The following CCHCR1 variants were observed in gnomAD, a reference collection of about 807,000 sequenced individuals.
CCHCR1 encodes the protein HCR (a-helix coiled-coil rod homologue).
CCHCR1 carries 91 observed loss-of-function variants against 114.6 expected under a neutral mutation model. That is an observed-to-expected ratio of 0.79 (90% CI 0.67 to 0.94). The LOEUF (loss-of-function observed/expected upper bound fraction) is 0.94. CCHCR1 is among the 40% of genes least tolerant of loss of function. CCHCR1 has a pLI of 0.00. For synonymous variants in CCHCR1, 379 were observed against 428.5 expected (o/e 0.88, Z 1.43); for missense variants, 899 against 1,079.9 (o/e 0.83, Z 2.35).
rs1234894813 is a variant in CCHCR1, at chr6:31,150,092, CA to C, written c.1335del (p.Ser445ArgfsTer7). ...VQLKAQELEH[S>X]DSVKQLKGQV... Reference sequence around the variant, plus strand: ...TGTCCCTTCAGCTGCTTAACAGAGTCACTGTGTTCCAGCTCCTGGGCCTTTA... The same window carrying C: ...TGTCCCTTCAGCTGCTTAACAGAGTCCTGTGTTCCAGCTCCTGGGCCTTTA... On this transcript the variant is annotated frameshift_variant, in exon 8 of 18. Coordinates refer to ENST00000396268, the MANE Select transcript of CCHCR1 (RefSeq NM_001105564.2). LOFTEE classifies it high-confidence loss of function. The surrounding 1 kb of genome is among the most constrained non-coding windows in gnomAD (Gnocchi z 5.3). The C allele has an allele frequency of 6.2e-7, 1 of 1,614,060 alleles. No homozygotes were observed. The highest frequency in any genetic ancestry group is 1.3e-5 in the African/African-American group (1 of 74,912).
chr6:31,150,631 C>A lies in CCHCR1; in HGVS notation c.1102-66G>T. The stretch of plus-strand genomic sequence containing the variant: ...GCCGCCTTAGGTACCACCTTCTCTC[C>A]CGGAGGCTGTGCTCTACACGCTCCT... On this transcript the variant is annotated intron_variant, in intron 6 of 17. Coordinates refer to ENST00000396268, the MANE Select transcript of CCHCR1 (RefSeq NM_001105564.2). This position sits in a 1 kb window ranked among gnomAD's most constrained non-coding sequence, Gnocchi z 5.3. 1 of 1,589,048 alleles carries A rather than the reference C, an allele frequency of 6.3e-7. No homozygotes were observed. The highest frequency in any genetic ancestry group is 8.6e-7 in the Non-Finnish European group (1 of 1,163,550).
chr6:31,147,795 C>T (rs1227668283), intron 10 of CCHCR1, among the ~76,000 whole-genome samples: 2 of 151,934 alleles, frequency 1.3e-5, no homozygotes, highest in African/African-American at 2.4e-5. Flanking sequence ...GGTGAAACCC[C>T]GTCCCTACTA....
intron 10 of CCHCR1, 47 bp from the exon 11 acceptor site, chr6:31,145,855 C>T: frequency 8.5e-7 from 1 of 1,181,972 alleles, no homozygotes; most frequent in Non-Finnish European, 1.3e-6. Flanking sequence ...CCCTCATTCC[C>T]AAAGGACTTG....
chr6:31,144,435 TA>T lies in CCHCR1; in HGVS notation c.2167+251del. 2.3e-6 allele frequency: 1 copy of T among 432,710 alleles called. No homozygotes were observed. Among genetic ancestry groups the T allele is most frequent in the East Asian group, 3.7e-5 (1 of 26,838 alleles). The allele number at this position is 432,710 out of a possible 1,614,324, so 26.8% of individuals were successfully genotyped here. Reference sequence around the variant, plus strand: ...GCCTCAAACTCCTGACCTCAGGTGATACACCCACCTCGGCCTCCCAAAGTGC... The same window carrying T: ...GCCTCAAACTCCTGACCTCAGGTGATCACCCACCTCGGCCTCCCAAAGTGC... On this transcript the variant is annotated intron_variant, in intron 15 of 17. Coordinates refer to ENST00000396268, the MANE Select transcript of CCHCR1 (RefSeq NM_001105564.2). The surrounding 1 kb of genome is among the most constrained non-coding windows in gnomAD (Gnocchi z 4.6).
rs755176353 is a variant in CCHCR1 at position 31,150,999 on chromosome 6, C to T, written c.925G>A (p.Glu309Lys). ...AGCAGCTCGGCCTCCCTCTGAGCCT[C>T]GGCCAGCTCCTTGGCTTCCCCTGCT... Reference protein sequence around the residue: ...RRAGEAKELAEAQREAELLRK... With the variant: ...RRAGEAKELAKAQREAELLRK... The change falls in exon 5 of 18, where the codon GAG (glutamate) becomes AAG (lysine). Residue 309 changes from glutamate to lysine, a missense_variant. Coordinates refer to ENST00000396268, the MANE Select transcript of CCHCR1 (RefSeq NM_001105564.2). The surrounding 1 kb of genome is among the most constrained non-coding windows in gnomAD (Gnocchi z 5.3). 54 of 1,612,898 alleles carry T rather than the reference C, an allele frequency of 3.3e-5. No homozygotes were observed. Among genetic ancestry groups the T allele is most frequent in the South Asian group, 8.8e-5 (8 of 91,086 alleles).
rs1264384520 is a variant in CCHCR1, at chr6:31,157,098, G to A, written c.217-9C>T. ...CAGCCATCTATGTTCCCCTGGACAA[G>A]AGGAGAAACAAAGACACTCCAATTC... On this transcript the variant is annotated splice_polypyrimidine_tract_variant and intron_variant, in intron 1 of 17. Transcript: ENST00000396268. The A allele has an allele frequency of 2.5e-6, 4 of 1,606,426 alleles. No homozygotes were observed. Among genetic ancestry groups the A allele is most frequent in the Non-Finnish European group, 3.4e-6 (4 of 1,175,082 alleles).
At position 31,143,170 on chromosome 6, in the gene CCHCR1, G is replaced by A. The variant is rs1773791735; in HGVS notation, c.2320-36C>T. 1 of 1,611,162 alleles carries A rather than the reference G, an allele frequency of 6.2e-7. No homozygotes were observed. Among genetic ancestry groups the A allele is most frequent in the Non-Finnish European group, 8.5e-7 (1 of 1,178,992 alleles). On this transcript the variant is annotated intron_variant, in intron 16 of 17. Transcript: ENST00000396268. The surrounding 1 kb of genome is among the most constrained non-coding windows in gnomAD (Gnocchi z 5.3). ...GAGGGTTAAACCTAGCCCGGATAGA[G>A]CCTCCCTCACCATCCTCTTTCCACA...
At position 31,154,893 on chromosome 6, in the gene CCHCR1, C is replaced by G. The variant is rs1015307558; in HGVS notation, c.498-94G>C. On this transcript the variant is annotated intron_variant, in intron 3 of 17. Coordinates refer to ENST00000396268, the MANE Select transcript of CCHCR1 (RefSeq NM_001105564.2). The surrounding 1 kb of genome is among the most constrained non-coding windows in gnomAD (Gnocchi z 4.1). ...TAGCCAGGAGAAGGAAAAGAGGACC[C>G]CTCTGCTTCCGTGTGGGGAGGTGAA... 4.1e-6 allele frequency: 5 copies of G among 1,213,068 alleles called. No individual in the cohort carries two copies. Among genetic ancestry groups the G allele is most frequent in the Non-Finnish European group, 5.6e-6 (5 of 890,308 alleles). 75.1% of individuals were successfully genotyped at this position (1,213,068 alleles called of 1,614,324 possible).
Position 31,156,858 on chromosome 6 carries a change from T to C in CCHCR1, c.370A>G (p.Ile124Val). ...PRMAPTWLSD[I>V]PLVQPPGHQD... is the part of the protein sequence containing the mutation. Reference sequence around the variant, plus strand: ...TGGCCTGGGGGTTGGACCAGGGGAATGTCTGAGAGCCAGGTGGGAGCCATT... The same window carrying C: ...TGGCCTGGGGGTTGGACCAGGGGAACGTCTGAGAGCCAGGTGGGAGCCATT... The change falls in exon 3 of 18, where the codon ATT becomes GTT. Residue 124 changes from isoleucine (I) to valine (V), a missense_variant. Physicochemically the swap from Ile to Val is conservative, Grantham distance 29. Coordinates refer to ENST00000396268, the MANE Select transcript of CCHCR1 (RefSeq NM_001105564.2). The C allele has an allele frequency of 1.2e-6, 2 of 1,612,914 alleles. No individual in the cohort carries two copies. Among genetic ancestry groups the C allele is most frequent in the South Asian group, 1.1e-5 (1 of 91,072 alleles).
Position 31,150,374 on chromosome 6 carries a change from C to A in CCHCR1, c.1212+81G>T. On this transcript the variant is annotated intron_variant, in intron 7 of 17. Coordinates refer to ENST00000396268, the MANE Select transcript of CCHCR1 (RefSeq NM_001105564.2). This position sits in a 1 kb window ranked among gnomAD's most constrained non-coding sequence, Gnocchi z 5.3. ...AGCAGGTTCTGGGGCACATTGACCCCTCCTGCCCACAGGGAGGGAGGCAGG... is the reference window on the plus strand; with the variant it reads ...AGCAGGTTCTGGGGCACATTGACCCATCCTGCCCACAGGGAGGGAGGCAGG... 1 of 1,386,966 alleles carries A rather than the reference C, an allele frequency of 7.2e-7. No individual in the cohort carries two copies. Among genetic ancestry groups the A allele is most frequent in the Non-Finnish European group, 1.0e-6 (1 of 988,330 alleles). 85.9% of individuals were successfully genotyped at this position (1,386,966 alleles called of 1,614,324 possible).
In CCHCR1 at chr6:31,150,824, C is replaced by G; in HGVS notation, c.1002G>C (p.Leu334=). Residue 334 remains leucine (L), a synonymous_variant, in exon 6 of 18, where the codon CTG becomes CTC. Coordinates refer to ENST00000396268, the MANE Select transcript of CCHCR1 (RefSeq NM_001105564.2). This position sits in a 1 kb window ranked among gnomAD's most constrained non-coding sequence, Gnocchi z 5.3. The part of the protein sequence containing the change: ...TQEDLEAQVT[L]VENLRKYVGE... ...CAACATATTTTCTTAGATTCTCAAC[C>G]AGGGTCACCTGAGCCTCCAAGTCTT... 1 of 1,613,076 alleles carries G rather than the reference C, an allele frequency of 6.2e-7. No homozygotes were observed. The highest frequency in any genetic ancestry group is 8.5e-7 in the Non-Finnish European group (1 of 1,180,018).
At chr6:31,148,987 A>G (rs1290555910) in intron 8 of CCHCR1, among the ~76,000 whole-genome samples, 1 of 152,016 alleles carries the variant, frequency 6.6e-6, no homozygotes, top group African/African-American at 2.4e-5. Flanking sequence ...GCCTGTCTCT[A>G]CTAAAAATAC....
intron 4 of CCHCR1, among the ~76,000 whole-genome samples, chr6:31,152,616 CAT>C (rs1775409840): frequency 6.6e-6 from 1 of 152,054 alleles, no homozygotes; most frequent in Non-Finnish European, 1.5e-5. Flanking sequence ...TAGGATTACA[CAT>C]GTGAGCAACC....
At position 31,151,622 on chromosome 6, in the gene CCHCR1, G is replaced by A. The variant is rs574072905; in HGVS notation, c.802-500C>T. Among the ~76,000 whole-genome samples, 30 of 152,290 alleles carry A rather than the reference G, an allele frequency of 2.0e-4. No homozygotes were observed. Among genetic ancestry groups the A allele is most frequent in the African/African-American group, 5.5e-4 (23 of 41,554 alleles). ...CCAGGCGATAGCCCCTCCTCAGGGT[G>A]GCTTCACTGGGCCCTCTAATACCGT... On this transcript the variant is annotated intron_variant, in intron 4 of 17. Coordinates refer to ENST00000396268, the MANE Select transcript of CCHCR1 (RefSeq NM_001105564.2). The surrounding 1 kb of genome is among the most constrained non-coding windows in gnomAD (Gnocchi z 4.1).
Position 31,145,086 on chromosome 6 carries a change from G to T in CCHCR1, c.1877-13C>A. 5 of 1,599,512 alleles carry T rather than the reference G, an allele frequency of 3.1e-6. No homozygotes were observed. The highest frequency in any genetic ancestry group is 4.3e-6 in the Non-Finnish European group (5 of 1,176,016). Reference sequence around the variant, plus strand: ...CGCTCTGCCTCCCCTAAAAGGAGGGGGTGCTGGGTCAGGCCTCTCCCAGCA... The same window carrying T: ...CGCTCTGCCTCCCCTAAAAGGAGGGTGTGCTGGGTCAGGCCTCTCCCAGCA... On this transcript the variant is annotated splice_polypyrimidine_tract_variant and intron_variant, in intron 13 of 17. Transcript: ENST00000396268.
At position 31,157,514 on chromosome 6, in the gene CCHCR1, A is replaced by G. The variant is rs1186147967; in HGVS notation, c.87T>C (p.Asp29=). ...GCTCAGCAAGGCCTGAGGGAAGCCC[A>G]TCCAGACACCAGCAGGCCATGACTC... ...DPRVMACWCL[D]GLPSGLAEPW... The change falls in exon 1 of 18, where the codon GAT becomes GAC. Residue 29 remains aspartate, a synonymous_variant. Coordinates refer to ENST00000396268, the MANE Select transcript of CCHCR1 (RefSeq NM_001105564.2). 1 of 1,613,046 alleles carries G rather than the reference A, an allele frequency of 6.2e-7. No individual in the cohort carries two copies. The highest frequency in any genetic ancestry group is 1.7e-5 in the Admixed American group (1 of 60,026).
chr6:31,148,622 G>GCACCCATACGCTC lies in CCHCR1; in HGVS notation c.1456_1468dup (p.Ala490GlyfsTer53), dbSNP rs1774707757. The GCACCCATACGCTC allele has an allele frequency of 1.2e-6, 2 of 1,610,280 alleles. No homozygotes were observed. Among genetic ancestry groups the GCACCCATACGCTC allele is most frequent in the Non-Finnish European group, 1.7e-6 (2 of 1,177,642 alleles). On this transcript the variant is annotated frameshift_variant, in exon 9 of 18. Transcript: ENST00000396268. LOFTEE classifies it high-confidence loss of function. ...CTCTAGTAGGCTGACACCAACCTTG[G>GCACCCATACGCTC]CACCCATACGCTCCACCTCCACCTC...
At position 31,150,155 on chromosome 6, in the gene CCHCR1, G is replaced by A. The variant is rs922944076; in HGVS notation, c.1273C>T (p.Arg425Cys). Residue 425 changes from arginine (R) to cysteine (C), a missense_variant, in exon 8 of 18, where the codon CGC (arginine) becomes TGC (cysteine). Arg to Cys is a radical substitution (Grantham distance 180, BLOSUM62 -3). Coordinates refer to ENST00000396268, the MANE Select transcript of CCHCR1 (RefSeq NM_001105564.2). This position sits in a 1 kb window ranked among gnomAD's most constrained non-coding sequence, Gnocchi z 5.3. Reference protein sequence around the residue: ...FTRKCQSLLNRWREKVFALMV... With the variant: ...FTRKCQSLLNCWREKVFALMV... ...AGGGCAAACACCTTCTCCCGCCAGC[G>A]GTTCAGCAGGGACTGGCACTTCCTG... 8.7e-6 allele frequency: 14 copies of A among 1,614,060 alleles called. No homozygotes were observed. The highest frequency in any genetic ancestry group is 1.3e-5 in the African/African-American group (1 of 74,930).
At chr6:31,149,601 A>C (rs3094227) in intron 8 of CCHCR1, 126,008 of 152,960 alleles carry the variant, frequency 0.82, 52,107 homozygotes, top group Middle Eastern at 0.95. Context: ...AGCCACTATG[A>C]CCGGCTAATT....
Sources: gnomAD v4.1 joint callset for allele counts (sites outside exome capture counted in the v4.1 genomes callset) on GRCh38, gnomAD v4.1.1 for gene constraint, Gnocchi (gnomAD v3.1) non-coding constraint, MANE v1.5 for transcripts, NCBI Gene and HGNC (gene_info 2026-07-23, HGNC 2026-07-21) for gene names.